Variants in TTC7B observed in about 807,000 individuals in gnomAD.
TTC7B encodes the protein tetratricopeptide repeat domain 7B.
TTC7B carries 28 observed loss-of-function variants against 106.8 expected under a neutral mutation model. The observed-to-expected ratio is 0.26, with a 90% CI of 0.19 to 0.36. TTC7B has a LOEUF of 0.36. TTC7B is among the 10% of genes least tolerant of loss of function. The probability of loss-of-function intolerance (pLI) is 1.00; values close to 1 mark genes in which losing one functional copy is unlikely to be tolerated. For missense variants in TTC7B, 862 were observed against 1,076.4 expected (o/e 0.80, Z 2.79); for synonymous variants, 405 against 430.6 (o/e 0.94, Z 0.74).
chr14:90,570,124 G>A lies in TTC7B; in HGVS notation c.2310+7982C>T, dbSNP rs950257093. On this transcript the variant is annotated intron_variant, in intron 19 of 19. Transcript: ENST00000328459. This position sits in a 1 kb window ranked among gnomAD's most constrained non-coding sequence, Gnocchi z 4.0. ...ACACTGCAGATCAGCCTGGGGACCC[G>A]GCTGTACCCAGCACACTGAGTGAGA... 6.6e-6 allele frequency: 1 copy of A among 152,272 alleles called. No homozygotes were observed. The highest frequency in any genetic ancestry group is 2.4e-5 in the African/African-American group (1 of 41,444). The allele number at this position is 152,272 out of a possible 1,614,324, so 9.4% of individuals were successfully genotyped here.
Position 90,805,062 on chromosome 14 carries a change from TGGA to T in TTC7B, c.121+11110_121+11112del, listed in dbSNP as rs2140060469. Among the ~76,000 whole-genome samples, 1 of 152,130 alleles carries T rather than the reference TGGA, an allele frequency of 6.6e-6. No individual in the cohort carries two copies. The highest frequency in any genetic ancestry group is 2.1e-4 in the South Asian group (1 of 4,816). ...GGCAGGCAGGGCTACACAGCCACCC[TGGA>T]GATGACACCAACAGTCTTCGGCGTG... On this transcript the variant is annotated intron_variant, in intron 1 of 19. Coordinates refer to ENST00000328459, the MANE Select transcript of TTC7B (RefSeq NM_001010854.2). This position sits in a 1 kb window ranked among gnomAD's most constrained non-coding sequence, Gnocchi z 4.0.
At chr14:90,656,172 T>G (rs1885939444) in intron 11 of TTC7B, among the ~76,000 whole-genome samples, 1 of 152,182 alleles carries the variant, frequency 6.6e-6, no homozygotes, top group Non-Finnish European at 1.5e-5. Context: ...GGAACTAAAG[T>G]GGAACACTCT....
chr14:90,761,466 C>G (rs951766987), intron 3 of TTC7B, among the ~76,000 whole-genome samples: 1 of 151,742 alleles, frequency 6.6e-6, no homozygotes, highest in Non-Finnish European at 1.5e-5. Flanking sequence ...GATTGCATCC[C>G]CAACAAATCA....
rs1030382527 is a variant in TTC7B at position 90,742,212 on chromosome 14, G to T, written c.576+2580C>A. Among the ~76,000 whole-genome samples, 5 of 151,938 alleles carry T rather than the reference G, an allele frequency of 3.3e-5. No individual in the cohort carries two copies. Among genetic ancestry groups the T allele is most frequent in the Admixed American group, 3.3e-4 (5 of 15,240 alleles). On this transcript the variant is annotated intron_variant, in intron 4 of 19. Transcript: ENST00000328459. This position sits in a 1 kb window ranked among gnomAD's most constrained non-coding sequence, Gnocchi z 4.1. ...CTTGCCACCATGCCTAGCTAGTTTCGTTTCATTTCGTTTCGTTCGCTTCTT... is the reference window on the plus strand; with the variant it reads ...CTTGCCACCATGCCTAGCTAGTTTCTTTTCATTTCGTTTCGTTCGCTTCTT...
chr14:90,796,260 G>C (rs1036398447), intron 1 of TTC7B, among the ~76,000 whole-genome samples: 3 of 152,182 alleles, frequency 2.0e-5, no homozygotes, highest in African/African-American at 7.2e-5. Flanking sequence ...CCCAGGGCTG[G>C]CTTCGCTTTT....
At chr14:90,554,391 G>A (rs186302214) in intron 19 of TTC7B, among the ~76,000 whole-genome samples, 2 of 152,336 alleles carry the variant, frequency 1.3e-5, no homozygotes, top group African/African-American at 2.4e-5. Context: ...CCAAGAGCAC[G>A]GACGTGAGTA....
At chr14:90,582,918 G>T (rs1891558352) in intron 18 of TTC7B, among the ~76,000 whole-genome samples, 1 of 152,210 alleles carries the variant, frequency 6.6e-6, no homozygotes, top group South Asian at 2.1e-4. Context: ...AAAAAGGAAA[G>T]GATTTCTAAG....
intron 3 of TTC7B, among the ~76,000 whole-genome samples, chr14:90,780,156 C>T (rs1183806290): frequency 1.3e-5 from 2 of 151,916 alleles, no homozygotes; most frequent in Admixed American, 6.6e-5. Flanking sequence ...CTGAGGTGGG[C>T]GGATCACCTG....
chr14:90,660,693 T>C (rs1438354312), intron 9 of TTC7B, among the ~76,000 whole-genome samples: 1 of 151,910 alleles, frequency 6.6e-6, no homozygotes, highest in Admixed American at 6.6e-5. Flanking sequence ...AGGTGACAAA[T>C]GGGTAAAGGT....
At chr14:90,628,731 C>T (rs995519540) in intron 15 of TTC7B, among the ~76,000 whole-genome samples, 2 of 152,232 alleles carry the variant, frequency 1.3e-5, no homozygotes, top group African/African-American at 2.4e-5. Context: ...CATGGGACCG[C>T]GCATCCTTGC....
intron 3 of TTC7B, among the ~76,000 whole-genome samples, chr14:90,762,645 C>A (rs558324993): frequency 1.1e-4 from 17 of 152,180 alleles, no homozygotes; most frequent in Non-Finnish European, 2.1e-4. Context: ...TTGACTATGA[C>A]ATGTATCGGG....
At chr14:90,758,622 G>A (rs1051187505) in intron 3 of TTC7B, among the ~76,000 whole-genome samples, 2 of 152,234 alleles carry the variant, frequency 1.3e-5, no homozygotes, top group African/African-American at 4.8e-5. Context: ...GACCTTGGGC[G>A]GCAGCTAGCA....
intron 4 of TTC7B, 65 bp from the exon 5 acceptor site, chr14:90,730,261 A>T: frequency 1.9e-6 from 3 of 1,551,556 alleles, no homozygotes; most frequent in Non-Finnish European, 2.6e-6. Context: ...TTCAAACCCT[A>T]TCTCTAAATG....
In TTC7B at chr14:90,802,293, A is replaced by G. The variant is rs918678586; in HGVS notation, c.121+13882T>C. Among the ~76,000 whole-genome samples the G allele has an allele frequency of 3.9e-5, 6 of 152,074 alleles. No homozygotes were observed. Among genetic ancestry groups the G allele is most frequent in the Non-Finnish European group, 7.4e-5 (5 of 67,984 alleles). ...CTTAGACAGCGATGGGGGTTCAGGG[A>G]GCCTTTAGCAGGGAAGTCTAGGGTG... On this transcript the variant is annotated intron_variant, in intron 1 of 19. Transcript: ENST00000328459. The surrounding 1 kb of genome is among the most constrained non-coding windows in gnomAD (Gnocchi z 4.7).
intron 8 of TTC7B, among the ~76,000 whole-genome samples, chr14:90,678,928 C>A (rs1371152361): frequency 6.6e-6 from 1 of 152,228 alleles, no homozygotes; most frequent in African/African-American, 2.4e-5. Context: ...TACACCATAA[C>A]CAACCAAGTT....
chr14:90,652,966 C>T, intron 12 of TTC7B, 68 bp from the exon 13 acceptor site: 1 of 1,517,240 alleles, frequency 6.6e-7, no homozygotes, highest in African/African-American at 1.4e-5. Context: ...CAAAACCCAT[C>T]ACAAAACCTG....
At position 90,649,224 on chromosome 14, in the gene TTC7B, A is replaced by G. The variant is rs369978331; in HGVS notation, c.1518-2201T>C. On this transcript the variant is annotated intron_variant, in intron 13 of 19. Coordinates refer to ENST00000328459, the MANE Select transcript of TTC7B (RefSeq NM_001010854.2). The stretch of plus-strand genomic sequence containing the variant: ...ATTTCTAATGAGGCACAACTGAAAC[A>G]TATACATTTTAAAAACCTTATTTCT... 1.8e-4 allele frequency among the ~76,000 whole-genome samples: 28 copies of G among 152,384 alleles called. No homozygotes were observed. The East Asian group carries it at 3.1e-3, about 17-fold the overall frequency.
At chr14:90,795,968 G>A (rs1240659599) in intron 1 of TTC7B, among the ~76,000 whole-genome samples, 1 of 152,140 alleles carries the variant, frequency 6.6e-6, no homozygotes. Flanking sequence ...CTCACAAACA[G>A]GGAACCAGGC....
chr14:90,597,281 A>G (rs1015975163), intron 17 of TTC7B, among the ~76,000 whole-genome samples: 2 of 152,208 alleles, frequency 1.3e-5, no homozygotes, highest in African/African-American at 4.8e-5. Context: ...CACAACAAAT[A>G]AAAGTCTTCC....
Sources: gnomAD v4.1 joint callset for allele counts (sites outside exome capture counted in the v4.1 genomes callset) on GRCh38, gnomAD v4.1.1 for gene constraint, Gnocchi (gnomAD v3.1) non-coding constraint, MANE v1.5 for transcripts, NCBI Gene and HGNC (gene_info 2026-07-23, HGNC 2026-07-21) for gene names.